EGFLAM: variants seen among roughly 807,000 people sequenced by gnomAD.
EGFLAM encodes pikachurin.
In EGFLAM, 79 loss-of-function variants were observed where a neutral mutation model predicts 113.1. That is an observed-to-expected ratio of 0.70 (90% CI 0.58 to 0.84). The LOEUF (loss-of-function observed/expected upper bound fraction) is 0.84. Ranked by LOEUF, EGFLAM falls within the 40% of genes least tolerant of loss-of-function variation. The pLI, the probability that EGFLAM is intolerant of heterozygous loss-of-function variation, is 0.00. For missense variants in EGFLAM, 1,265 were observed against 1,291.6 expected (o/e 0.98, Z 0.32); for synonymous variants, 504 against 487.6 (o/e 1.03, Z -0.44).
At chr5:38,417,759 G>A (rs1336369713) in intron 11 of EGFLAM, among the ~76,000 whole-genome samples, 2 of 152,200 alleles carry the variant, frequency 1.3e-5, no homozygotes, top group Non-Finnish European at 2.9e-5. Flanking sequence ...GAACGTTTTT[G>A]TTGGATGCCT....
chr5:38,425,844 G>A (rs933766484), intron 13 of EGFLAM, among the ~76,000 whole-genome samples: 8 of 152,168 alleles, frequency 5.3e-5, no homozygotes, highest in Admixed American at 2.6e-4. Flanking sequence ...TTGGGAAGAT[G>A]AGGCCAGGCG....
intron 12 of EGFLAM, 38 bp from the exon 13 acceptor site, chr5:38,424,929 A>C (rs754949158): frequency 6.2e-7 from 1 of 1,609,640 alleles, no homozygotes; most frequent in African/African-American, 1.3e-5. Context: ...ACTGGCACAC[A>C]TGGAGGATTG....
chr5:38,285,191 C>T (rs1046275013), intron 1 of EGFLAM, among the ~76,000 whole-genome samples: 4 of 152,144 alleles, frequency 2.6e-5, no homozygotes, highest in Non-Finnish European at 5.9e-5. Context: ...TCTTGGTAAT[C>T]CTTCAAGCAC....
At position 38,464,844 on chromosome 5, in the gene EGFLAM, A is replaced by G. The variant is rs1743415968; in HGVS notation, c.*858A>G. 1 of 152,100 alleles carries G rather than the reference A, an allele frequency of 6.6e-6. No individual in the cohort carries two copies. Among genetic ancestry groups the G allele is most frequent in the African/African-American group, 2.4e-5 (1 of 41,384 alleles). The allele number at this position is 152,100 out of a possible 1,614,324, so 9.4% of individuals were successfully genotyped here. The stretch of plus-strand genomic sequence containing the variant: ...GGTAACTTGGGTGGGCAACTTGGGG[A>G]GCTGACCATTCTCTTTTGGTAAATG... On this transcript the variant is annotated 3_prime_UTR_variant, in exon 22 of 22. Transcript: ENST00000322350.
At chr5:38,283,058 T>C (rs922700197) in intron 1 of EGFLAM, among the ~76,000 whole-genome samples, 3 of 152,150 alleles carry the variant, frequency 2.0e-5, no homozygotes, top group Non-Finnish European at 4.4e-5. Flanking sequence ...TCTCATTGTA[T>C]TGCTCAGAGC....
Position 38,464,299 on chromosome 5 carries a change from T to C in EGFLAM, c.*313T>C. 3.2e-6 allele frequency: 1 copy of C among 317,112 alleles called. No homozygotes were observed. The highest frequency in any genetic ancestry group is 5.9e-6 in the Non-Finnish European group (1 of 170,920). 19.6% of individuals were successfully genotyped at this position (317,112 alleles called of 1,614,324 possible). A position where few individuals can be genotyped will look rare whatever the true frequency, so the allele number is the denominator to read the frequency against. On this transcript the variant is annotated 3_prime_UTR_variant, in exon 22 of 22. Coordinates refer to ENST00000322350, the MANE Select transcript of EGFLAM (RefSeq NM_152403.4). ...CCAGAGCCTGTCTGCTATAGCTCAG[T>C]GACTGTGTTGTGATTCATAGTACAT...
At chr5:38,349,198 A>T (rs1009724060) in intron 3 of EGFLAM, among the ~76,000 whole-genome samples, 1 of 152,214 alleles carries the variant, frequency 6.6e-6, no homozygotes, top group Non-Finnish European at 1.5e-5. Context: ...TTATAATCCC[A>T]TAAGAGAAAT....
chr5:38,277,187 T>A (rs1208165118), intron 1 of EGFLAM, among the ~76,000 whole-genome samples: 1 of 152,044 alleles, frequency 6.6e-6, no homozygotes, highest in Admixed American at 6.5e-5. Context: ...CAAACCAAAT[T>A]CAACAGTGTA....
At chr5:38,288,753 C>G (rs766548098) in intron 1 of EGFLAM, among the ~76,000 whole-genome samples, 4 of 152,128 alleles carry the variant, frequency 2.6e-5, no homozygotes, top group African/African-American at 9.7e-5. Flanking sequence ...TTTTCTTTAA[C>G]AAGTTACATA....
intron 5 of EGFLAM, among the ~76,000 whole-genome samples, chr5:38,360,366 C>T (rs528281687): frequency 6.6e-6 from 1 of 152,304 alleles, no homozygotes; most frequent in East Asian, 1.9e-4. Context: ...TGGTTCTGAA[C>T]CAGCCTCTAA....
chr5:38,365,435 CATG>C (rs1368464049), intron 5 of EGFLAM, among the ~76,000 whole-genome samples: 1 of 152,146 alleles, frequency 6.6e-6, no homozygotes, highest in East Asian at 1.9e-4. Context: ...CTTCATTTGC[CATG>C]TGTTGGTGTT....
In EGFLAM at chr5:38,258,638, C is replaced by G. The variant is rs1406213834; in HGVS notation, c.-117C>G. ...TTCCGGGCCCAGCCCTCGCAGCCCCCCACCTCCTCGCCCCGGCCCGGGGAT... is the reference window on the plus strand; with the variant it reads ...TTCCGGGCCCAGCCCTCGCAGCCCCGCACCTCCTCGCCCCGGCCCGGGGAT... On this transcript the variant is annotated 5_prime_UTR_variant, in exon 1 of 22. Coordinates refer to ENST00000322350, the MANE Select transcript of EGFLAM (RefSeq NM_152403.4). 2 of 1,205,992 alleles carry G rather than the reference C, an allele frequency of 1.7e-6. No individual in the cohort carries two copies. Among genetic ancestry groups the G allele is most frequent in the East Asian group, 2.6e-5 (1 of 39,136 alleles). The allele number at this position is 1,205,992 out of a possible 1,614,324, so 74.7% of individuals were successfully genotyped here.
intron 1 of EGFLAM, among the ~76,000 whole-genome samples, chr5:38,266,984 C>A (rs1757649113): frequency 6.6e-6 from 1 of 152,126 alleles, no homozygotes; most frequent in African/African-American, 2.4e-5. Context: ...AAAGAGCCCC[C>A]ACTTATCCAA....
At chr5:38,337,300 A>C (rs1055569600) in intron 1 of EGFLAM, among the ~76,000 whole-genome samples, 1 of 152,250 alleles carries the variant, frequency 6.6e-6, no homozygotes, top group Non-Finnish European at 1.5e-5. Context: ...TAAGGGCAAT[A>C]GTTGGACTGA....
chr5:38,417,347 C>CAAAAAAAAAACAAAAA (rs1741678083), intron 11 of EGFLAM, among the ~76,000 whole-genome samples: 4 of 78,472 alleles, frequency 5.1e-5, no homozygotes, highest in Non-Finnish European at 9.0e-5. Flanking sequence ...GACTCTGTCT[C>CAAAAAAAAAACAAAAA]AAAAAAAAAA....
chr5:38,441,135 C>T (rs1261664373), intron 17 of EGFLAM, among the ~76,000 whole-genome samples: 3 of 152,154 alleles, frequency 2.0e-5, no homozygotes, highest in Admixed American at 1.3e-4. Context: ...CACTGAGCAT[C>T]TGAGATGCTC....
intron 16 of EGFLAM, among the ~76,000 whole-genome samples, chr5:38,437,478 T>C (rs143812561): frequency 5.9e-5 from 9 of 152,228 alleles, no homozygotes; most frequent in African/African-American, 1.2e-4. Flanking sequence ...CGTAACACTG[T>C]GTTTTGCACT....
intron 1 of EGFLAM, among the ~76,000 whole-genome samples, chr5:38,310,288 G>A (rs575499128): frequency 6.6e-6 from 1 of 152,138 alleles, no homozygotes; most frequent in Admixed American, 6.5e-5. Flanking sequence ...GGGCTCCAGG[G>A]TGAGAGAGTT....
chr5:38,383,043 G>A (rs375270563), intron 6 of EGFLAM, among the ~76,000 whole-genome samples: 2 of 152,162 alleles, frequency 1.3e-5, no homozygotes, highest in African/African-American at 2.4e-5. Flanking sequence ...TTACAGAGCC[G>A]GACGAGCCCT....
Sources: gnomAD v4.1 joint callset for allele counts (sites outside exome capture counted in the v4.1 genomes callset) on GRCh38, gnomAD v4.1.1 for gene constraint, MANE v1.5 for transcripts, NCBI Gene and HGNC (gene_info 2026-07-23, HGNC 2026-07-21) for gene names.